The following ATPSCKMT variants were observed in gnomAD, a reference collection of about 807,000 sequenced individuals.
ATPSCKMT encodes ATP synthase c subunit lysine N-methyltransferase.
A neutral mutation model predicts 24.3 loss-of-function variants in ATPSCKMT; 24 were observed. That is an observed-to-expected ratio of 0.99 (90% CI 0.71 to 1.39). The LOEUF is 1.39. Ranked by LOEUF, ATPSCKMT falls within the 40% of genes most tolerant of loss-of-function variation. ATPSCKMT has a pLI of 0.00. For synonymous variants in ATPSCKMT, 95 were observed against 110.5 expected, an observed-to-expected ratio of 0.86 and a Z score of 0.88; for missense variants, 311 against 298.4, an observed-to-expected ratio of 1.04 and a Z score of -0.31.
intron 4 of ATPSCKMT, among the ~76,000 whole-genome samples, chr5:10,232,979 C>T (rs1017969787): frequency 1.3e-5 from 2 of 152,240 alleles, no homozygotes; most frequent in Non-Finnish European, 2.9e-5. Context: ...GATGGGATTC[C>T]TGCTCCTTTT....
intron 1 of ATPSCKMT, among the ~76,000 whole-genome samples, chr5:10,243,327 T>C (rs1415979725): frequency 6.6e-6 from 1 of 151,986 alleles, no homozygotes; most frequent in Non-Finnish European, 1.5e-5. Flanking sequence ...CTACTAAAAA[T>C]ACAAAAATTA....
intron 4 of ATPSCKMT, among the ~76,000 whole-genome samples, chr5:10,234,480 TA>T (rs1173191089): frequency 6.6e-6 from 1 of 151,982 alleles, no homozygotes; most frequent in Non-Finnish European, 1.5e-5. Flanking sequence ...AAAAACAAAA[TA>T]AAAAAAGGTA....
intron 1 of ATPSCKMT, among the ~76,000 whole-genome samples, chr5:10,239,563 A>G (rs1744531400): frequency 6.6e-6 from 1 of 152,232 alleles, no homozygotes; most frequent in African/African-American, 2.4e-5. Flanking sequence ...CAATACTATG[A>G]GAAGACTAAA....
intron 4 of ATPSCKMT, among the ~76,000 whole-genome samples, chr5:10,230,459 T>C (rs1744078212): frequency 6.6e-6 from 1 of 152,238 alleles, no homozygotes; most frequent in South Asian, 2.1e-4. Flanking sequence ...GATTGTCATA[T>C]GCTAAGTCAA....
chr5:10,238,779 T>A (rs1418851085), intron 2 of ATPSCKMT, among the ~76,000 whole-genome samples: 1 of 152,204 alleles, frequency 6.6e-6, no homozygotes, highest in East Asian at 1.9e-4. Flanking sequence ...TCATGCCACC[T>A]CTGTTGGCCC....
chr5:10,246,252 A>G (rs1048485170), intron 1 of ATPSCKMT, among the ~76,000 whole-genome samples: 2 of 152,074 alleles, frequency 1.3e-5, no homozygotes, highest in Non-Finnish European at 2.9e-5. Flanking sequence ...CAATATTGTG[A>G]AACAACAACT....
intron 2 of ATPSCKMT, chr5:10,236,966 A>G: frequency 2.3e-6 from 3 of 1,319,762 alleles, no homozygotes; most frequent in Non-Finnish European, 2.0e-6. Context: ...TCAGTGGGCT[A>G]GCACAGCAGC....
intron 4 of ATPSCKMT, 90 bp from the exon 5 acceptor site, chr5:10,227,737 C>T: frequency 2.4e-6 from 3 of 1,229,954 alleles, no homozygotes; most frequent in Non-Finnish European, 3.5e-6. Context: ...CCTGAAAATA[C>T]CTGAGCAAAA....
chr5:10,237,237 T>C (rs1031741820), intron 2 of ATPSCKMT, among the ~76,000 whole-genome samples: 1 of 152,238 alleles, frequency 6.6e-6, no homozygotes, highest in Non-Finnish European at 1.5e-5. Flanking sequence ...TGCCCCATTC[T>C]TTAAGGGAGC....
intron 1 of ATPSCKMT, among the ~76,000 whole-genome samples, chr5:10,240,008 C>CCA (rs1744554122): frequency 6.6e-6 from 1 of 151,732 alleles, no homozygotes; most frequent in Non-Finnish European, 1.5e-5. Flanking sequence ...GGGCCGATCA[C>CCA]GAGGTCAGGA....
At chr5:10,238,366 T>A (rs1317621815) in intron 2 of ATPSCKMT, among the ~76,000 whole-genome samples, 1 of 152,214 alleles carries the variant, frequency 6.6e-6, no homozygotes, top group Non-Finnish European at 1.5e-5. Context: ...AAAATCAGTC[T>A]CTATGTCTGT....
Position 10,226,950 on chromosome 5 carries a change from C to A in ATPSCKMT, c.*491G>T. The A allele has an allele frequency of 6.3e-6, 1 of 158,372 alleles. No individual in the cohort carries two copies. The highest frequency in any genetic ancestry group is 1.4e-5 in the Non-Finnish European group (1 of 71,882). The allele number at this position is 158,372 out of a possible 1,614,324, so 9.8% of individuals were successfully genotyped here. On this transcript the variant is annotated 3_prime_UTR_variant, in exon 5 of 5. Transcript: ENST00000511437. Reference sequence around the variant, plus strand: ...AATCTAGTGGTGGAACAAATTATTTCTAATAAATGTTATAAAATATAAACG... The same window carrying A: ...AATCTAGTGGTGGAACAAATTATTTATAATAAATGTTATAAAATATAAACG...
At chr5:10,238,039 C>T (rs1744453439) in intron 2 of ATPSCKMT, among the ~76,000 whole-genome samples, 1 of 152,224 alleles carries the variant, frequency 6.6e-6, no homozygotes, top group South Asian at 2.1e-4. Context: ...GCCACCACAC[C>T]TGGCCACTAA....
intron 4 of ATPSCKMT, among the ~76,000 whole-genome samples, chr5:10,229,184 T>C (rs1408853086): frequency 6.6e-6 from 1 of 152,262 alleles, no homozygotes; most frequent in Non-Finnish European, 1.5e-5. Context: ...AATAATGTTC[T>C]GTATAACATT....
chr5:10,237,160 T>A, intron 2 of ATPSCKMT: 1 of 614,588 alleles, frequency 1.6e-6, no homozygotes, highest in Non-Finnish European at 2.6e-6. Context: ...AACTGTGGAA[T>A]CCCACTGGCC....
At chr5:10,237,877 G>A (rs1456704268) in intron 2 of ATPSCKMT, among the ~76,000 whole-genome samples, 1 of 152,132 alleles carries the variant, frequency 6.6e-6, no homozygotes, top group Non-Finnish European at 1.5e-5. Flanking sequence ...CTCCTGAGTA[G>A]CTGGGATTAC....
At position 10,227,452 on chromosome 5, in the gene ATPSCKMT, T is replaced by A; in HGVS notation, c.691A>T (p.Ile231Phe). Residue 231 changes from isoleucine to phenylalanine, a missense_variant, in exon 5 of 5, where the codon ATT becomes TTT. Coordinates refer to ENST00000511437, the MANE Select transcript of ATPSCKMT (RefSeq NM_199133.4). ...PCTSMHFQLPIQA is the reference protein window; with the variant it reads ...PCTSMHFQLPFQA ...ACTCCCAGTCAAGTTTATGCTTGAA[T>A]GGGCAGCTGGAAATGCATCGATGTA... 1 of 1,614,114 alleles carries A rather than the reference T, an allele frequency of 6.2e-7. No individual in the cohort carries two copies. The highest frequency in any genetic ancestry group is 8.5e-7 in the Non-Finnish European group (1 of 1,180,032).
chr5:10,242,167 T>TA (rs1371985290), intron 1 of ATPSCKMT, among the ~76,000 whole-genome samples: 4 of 152,194 alleles, frequency 2.6e-5, no homozygotes, highest in African/African-American at 9.7e-5. Flanking sequence ...GCTGTATTGA[T>TA]AGACTCTTCC....
At chr5:10,229,518 T>C (rs980226725) in intron 4 of ATPSCKMT, among the ~76,000 whole-genome samples, 5 of 152,206 alleles carry the variant, frequency 3.3e-5, no homozygotes, top group African/African-American at 1.2e-4. Context: ...GTGCAGTTGC[T>C]ATTTTTGCTT....
Sources: allele counts gnomAD v4.1 joint callset (sites outside exome capture counted in the v4.1 genomes callset), GRCh38; gene constraint gnomAD v4.1.1; transcripts MANE v1.5; gene names NCBI Gene and HGNC (gene_info 2026-07-23, HGNC 2026-07-21).